The following GYPC variants were observed in gnomAD, a reference collection of about 807,000 sequenced individuals.
The protein encoded by GYPC is glycophorin-C.
Under a neutral mutation model 12.6 loss-of-function variants are expected in GYPC, and 14 were observed. The observed-to-expected ratio is 1.11, with a 90% confidence interval of 0.74 to 1.74. The LOEUF is 1.74. GYPC is among the 40% of genes most tolerant of loss of function. GYPC has a pLI of 0.00. For synonymous variants in GYPC, 78 were observed against 62.1 expected, an observed-to-expected ratio of 1.26 and a Z score of -1.20; for missense variants, 225 against 172.1, an observed-to-expected ratio of 1.31 and a Z score of -1.72.
At chr2:126,690,146 C>G (rs745877157) in intron 1 of GYPC, 109 bp from the exon 2 acceptor site, 16 of 819,452 alleles carry the variant, frequency 2.0e-5, no homozygotes, top group Non-Finnish European at 3.5e-5. Context: ...CACTTGAACC[C>G]ATTCTCAGAG....
chr2:126,692,870 C>T (rs1430589323), intron 2 of GYPC, among the ~76,000 whole-genome samples: 2 of 152,160 alleles, frequency 1.3e-5, no homozygotes, highest in African/African-American at 2.4e-5. Context: ...AGAGCACTGG[C>T]CAAGTCCTGA....
chr2:126,685,086 G>C (rs1234736661), intron 1 of GYPC, among the ~76,000 whole-genome samples: 1 of 152,208 alleles, frequency 6.6e-6, no homozygotes, highest in Non-Finnish European at 1.5e-5. Flanking sequence ...CCTGTACACT[G>C]CGTCTTTTCC....
chr2:126,656,335 G>T, intron 1 of GYPC, 23 bp downstream of exon 1: 1 of 1,579,282 alleles, frequency 6.3e-7, no homozygotes, highest in Non-Finnish European at 8.6e-7. Context: ...CGTGGGGAAG[G>T]GTCCTGGGGA....
At chr2:126,665,896 C>T (rs755034929) in intron 1 of GYPC, among the ~76,000 whole-genome samples, 7 of 152,192 alleles carry the variant, frequency 4.6e-5, no homozygotes, top group Non-Finnish European at 1.0e-4. Context: ...ATCACTGACA[C>T]GCTCTCTCCT....
intron 1 of GYPC, among the ~76,000 whole-genome samples, chr2:126,668,234 A>G (rs1480036822): frequency 6.6e-6 from 1 of 152,234 alleles, no homozygotes; most frequent in Admixed American, 6.5e-5. Flanking sequence ...TTATAAAATT[A>G]ATTCTTAGAT....
chr2:126,672,091 G>C (rs1305899087), intron 1 of GYPC, among the ~76,000 whole-genome samples: 1 of 152,116 alleles, frequency 6.6e-6, no homozygotes, highest in Admixed American at 6.5e-5. Flanking sequence ...GGAGGGAAAA[G>C]GTAACTGAGA....
chr2:126,681,158 G>C (rs529397273), intron 1 of GYPC, among the ~76,000 whole-genome samples: 88 of 152,282 alleles, frequency 5.8e-4, no homozygotes, highest in African/African-American at 2.0e-3. Context: ...CTTCTTAAAA[G>C]CCGGTACTTA....
At chr2:126,686,466 G>A (rs1207024333) in intron 1 of GYPC, 10 of 985,446 alleles carry the variant, frequency 1.0e-5, no homozygotes, top group Non-Finnish European at 1.2e-5. Context: ...TCCCATGGAT[G>A]AAAAGCCACT....
chr2:126,670,919 A>G (rs530370956), intron 1 of GYPC, among the ~76,000 whole-genome samples: 21 of 152,112 alleles, frequency 1.4e-4, no homozygotes, highest in Non-Finnish European at 2.8e-4. Flanking sequence ...TGCCATAGAG[A>G]CCGGTGGCCC....
At chr2:126,683,422 C>T (rs1345976423) in intron 1 of GYPC, among the ~76,000 whole-genome samples, 1 of 152,206 alleles carries the variant, frequency 6.6e-6, no homozygotes, top group African/African-American at 2.4e-5. Context: ...GCAACTCCAC[C>T]TTGCTCAGCC....
At chr2:126,688,910 T>C (rs1262919205) in intron 1 of GYPC, among the ~76,000 whole-genome samples, 2 of 152,210 alleles carry the variant, frequency 1.3e-5, no homozygotes, top group South Asian at 2.1e-4. Flanking sequence ...TGTTTTATTA[T>C]GTAGAGCCAT....
chr2:126,672,845 G>A (rs371797324), intron 1 of GYPC, among the ~76,000 whole-genome samples: 5 of 152,102 alleles, frequency 3.3e-5, no homozygotes, highest in African/African-American at 1.2e-4. Flanking sequence ...CACTTCCCTG[G>A]CACAATGAAA....
chr2:126,677,727 G>T lies in GYPC; in HGVS notation c.50-12528G>T, dbSNP rs28369988. On this transcript the variant is annotated intron_variant, in intron 1 of 3. Transcript: ENST00000259254. ...GCTAGGGATGAGCACACGAGGGTCC[G>T]GGAGGGGTGCTTGGAGTTGGGACCC... Among the ~76,000 whole-genome samples the T allele has an allele frequency of 6.0e-3, 914 of 152,182 alleles. 7 individuals carry two copies. Among genetic ancestry groups the T allele is most frequent in the African/African-American group, 0.02 (840 of 41,510 alleles).
chr2:126,659,426 A>G (rs1182038837), intron 1 of GYPC, among the ~76,000 whole-genome samples: 3 of 152,120 alleles, frequency 2.0e-5, no homozygotes, highest in Non-Finnish European at 4.4e-5. Context: ...CTGCCCTCCA[A>G]TGTTCACCAG....
chr2:126,691,659 T>C (rs1376603550), intron 2 of GYPC, among the ~76,000 whole-genome samples: 1 of 152,174 alleles, frequency 6.6e-6, no homozygotes, highest in East Asian at 1.9e-4. Flanking sequence ...GGGACTTCCC[T>C]GGTTTTAGAA....
rs745884949 is a variant in GYPC, at chr2:126,696,506, G to A, written c.*364G>A. On this transcript the variant is annotated 3_prime_UTR_variant, in exon 4 of 4. Transcript: ENST00000259254. ...GGGTGCTGGGGTACCCGGGGGCTGG[G>A]GAAGCAAGGAAATAAGTCATCTGTA... 1.5e-4 allele frequency: 54 copies of A among 350,120 alleles called. No homozygotes were observed. Among genetic ancestry groups the A allele is most frequent in the Non-Finnish European group, 2.8e-4 (50 of 180,174 alleles). The allele number at this position is 350,120 out of a possible 1,614,324, so 21.7% of individuals were successfully genotyped here.
chr2:126,667,445 A>G (rs11692939), intron 1 of GYPC, among the ~76,000 whole-genome samples: 6 of 142,736 alleles, frequency 4.2e-5, no homozygotes, highest in Non-Finnish European at 6.0e-5. Flanking sequence ...CTCTTGTTGC[A>G]CAGGCTGGGG....
At chr2:126,688,974 T>C (rs544598551) in intron 1 of GYPC, among the ~76,000 whole-genome samples, 6 of 152,218 alleles carry the variant, frequency 3.9e-5, no homozygotes, top group Non-Finnish European at 8.8e-5. Flanking sequence ...TGTGATCCAA[T>C]AAATCCTTCT....
chr2:126,656,513 C>A (rs1382577759), intron 1 of GYPC, among the ~76,000 whole-genome samples: 1 of 152,240 alleles, frequency 6.6e-6, no homozygotes, highest in African/African-American at 2.4e-5. Flanking sequence ...GTCCCTGTCC[C>A]GCGTCCCGGA....
Sources: allele counts gnomAD v4.1 joint callset (sites outside exome capture counted in the v4.1 genomes callset), GRCh38; gene constraint gnomAD v4.1.1; transcripts MANE v1.5; gene names NCBI Gene and HGNC (gene_info 2026-07-23, HGNC 2026-07-21).